The following SP3 variants were observed in gnomAD, a reference collection of about 807,000 sequenced individuals.
SP3 encodes the protein Sp3 transcription factor.
A neutral mutation model predicts 70.3 loss-of-function variants in SP3; 10 were observed. The observed-to-expected ratio is 0.14, with a 90% CI of 0.09 to 0.24. The LOEUF is 0.24. SP3 is among the 10% of genes least tolerant of loss of function. SP3 has a pLI of 1.00. For synonymous variants in SP3, 402 were observed against 333.5 expected (o/e 1.21, Z -2.24); for missense variants, 825 against 914.6 (o/e 0.90, Z 1.26).
chr2:173,960,791 A>T (rs1691045748), intron 3 of SP3, among the ~76,000 whole-genome samples: 2 of 151,748 alleles, frequency 1.3e-5, no homozygotes, highest in Admixed American at 1.3e-4. Context: ...TAACACGGTG[A>T]AACCCTGTCT....
chr2:173,964,862 C>T (rs1691241412), intron 1 of SP3: 2 of 493,368 alleles, frequency 4.1e-6, no homozygotes, highest in South Asian at 3.1e-5. Flanking sequence ...CGCGCTCGCT[C>T]CTCTCGCACC....
intron 4 of SP3, 134 bp downstream of exon 4, chr2:173,954,739 C>A: frequency 1.2e-6 from 1 of 829,682 alleles, no homozygotes; most frequent in Non-Finnish European, 1.9e-6. Flanking sequence ...TACTTTCATA[C>A]AAACATATTT....
At chr2:173,940,643 C>G (rs1166172025) in intron 4 of SP3, among the ~76,000 whole-genome samples, 2 of 152,172 alleles carry the variant, frequency 1.3e-5, no homozygotes, top group Non-Finnish European at 2.9e-5. Context: ...CATGTGTGCC[C>G]AGCAGCTAAA....
intron 4 of SP3, among the ~76,000 whole-genome samples, chr2:173,941,578 G>A (rs1025275788): frequency 6.6e-6 from 1 of 152,188 alleles, no homozygotes; most frequent in Non-Finnish European, 1.5e-5. Flanking sequence ...TCCAGCCTGG[G>A]TGATAGTTGA....
chr2:173,965,467 G>C (rs753601850), upstream of SP3: 1 of 367,882 alleles, frequency 2.7e-6, no homozygotes, highest in Non-Finnish European at 4.9e-6. Context: ...CTGTCCGTCG[G>C]TCTGCCAGGC....
In SP3 at chr2:173,956,206, T is replaced by A; in HGVS notation, c.306A>T (p.Leu102Phe). The change falls in exon 4 of 7, where the codon TTA (leucine) becomes TTT (phenylalanine). Residue 102 changes from leucine to phenylalanine, a missense_variant. Leu to Phe is a conservative substitution (Grantham distance 22). Around this residue, in one of 4 missense-constraint regions of SP3, gnomAD observed 678 missense variants for 651.6 expected, o/e 1.04. Coordinates refer to ENST00000310015, the MANE Select transcript of SP3 (RefSeq NM_003111.5). ...CCTCCCATCGGTTTGGTGCTCCTCC[T>A]AACTGTGCAGAAGCCAAATCACCTG... is the stretch of plus-strand genomic sequence containing the variant. ...GATGDLASAQLGGAPNRWEVL... is the reference protein window; with the variant it reads ...GATGDLASAQFGGAPNRWEVL... 1 of 1,609,446 alleles carries A rather than the reference T, an allele frequency of 6.2e-7. No homozygotes were observed. Among genetic ancestry groups the A allele is most frequent in the Non-Finnish European group, 8.5e-7 (1 of 1,176,730 alleles).
In SP3 at chr2:173,907,795, C is replaced by T. The variant is rs1420963796; in HGVS notation, c.*2146G>A. On this transcript the variant is annotated 3_prime_UTR_variant, in exon 7 of 7. Transcript: ENST00000310015. ...GATTTTAAGATTCAAAATCTAATCCCTGTAACTTCAAAATAATTGTAAATT... is the reference window on the plus strand; with the variant it reads ...GATTTTAAGATTCAAAATCTAATCCTTGTAACTTCAAAATAATTGTAAATT... 6.6e-6 allele frequency: 1 copy of T among 152,114 alleles called. No homozygotes were observed. The highest frequency in any genetic ancestry group is 1.5e-5 in the Non-Finnish European group (1 of 67,964). The allele number at this position is 152,114 out of a possible 1,614,324, so 9.4% of individuals were successfully genotyped here.
Position 173,903,565 on chromosome 2 carries a change from G to A in SP3, c.*6376C>T, listed in dbSNP as rs143156354. On this transcript the variant is annotated 3_prime_UTR_variant, in exon 7 of 7. Coordinates refer to ENST00000310015, the MANE Select transcript of SP3 (RefSeq NM_003111.5). ...TTAAGAATTTTTAAAGGATCAGGGT[G>A]TGAGGAGGACTAAGTAATTGGGTAT... is the stretch of plus-strand genomic sequence containing the variant. 2.0e-3 allele frequency among the ~76,000 whole-genome samples: 309 copies of A among 152,340 alleles called. No individual in the cohort carries two copies. The highest frequency in any genetic ancestry group is 6.8e-3 in the African/African-American group (283 of 41,576).
intron 2 of SP3, chr2:173,964,142 C>T (rs1470990768): frequency 8.1e-6 from 3 of 368,378 alleles, no homozygotes; most frequent in Non-Finnish European, 1.4e-5. Context: ...CCTCCGCCTT[C>T]CGCCCGGAAC....
intron 4 of SP3, among the ~76,000 whole-genome samples, chr2:173,935,921 A>G (rs950413467): frequency 2.7e-5 from 4 of 146,350 alleles, no homozygotes; most frequent in African/African-American, 1.1e-4. Context: ...TATTCCTGAT[A>G]GCTAATCACC....
Position 173,902,503 on chromosome 2 carries a change from T to C in SP3, c.*7438A>G, listed in dbSNP as rs910834201. Among the ~76,000 whole-genome samples the C allele has an allele frequency of 2.0e-5, 3 of 152,200 alleles. No individual in the cohort carries two copies. The highest frequency in any genetic ancestry group is 4.8e-5 in the African/African-American group (2 of 41,442). On this transcript the variant is annotated 3_prime_UTR_variant, in exon 7 of 7. Coordinates refer to ENST00000310015, the MANE Select transcript of SP3 (RefSeq NM_003111.5). ...ACATATCTCAAGAAATGCTCACATG[T>C]ACACAAGGAAATATGTCAATTATTT...
chr2:173,964,264 C>A, intron 2 of SP3, 141 bp downstream of exon 2: 2 of 508,378 alleles, frequency 3.9e-6, no homozygotes, highest in South Asian at 5.0e-5. Flanking sequence ...CTCGGGCGGG[C>A]AGCTCCCGGG....
At chr2:173,923,754 CA>C (rs759106791) in intron 4 of SP3, among the ~76,000 whole-genome samples, 2 of 149,684 alleles carry the variant, frequency 1.3e-5, no homozygotes, top group African/African-American at 5.0e-5. Context: ...GATTCTAAAT[CA>C]AATTTGATTT....
At chr2:173,917,635 C>T (rs1215425382) in intron 5 of SP3, among the ~76,000 whole-genome samples, 1 of 152,094 alleles carries the variant, frequency 6.6e-6, no homozygotes. Context: ...ATTTTATCTA[C>T]TTAAACAGTG....
At position 173,910,145 on chromosome 2, in the gene SP3, T is replaced by C. The variant is rs7561583; in HGVS notation, c.2142A>G (p.Thr714=). 6.0e-5 allele frequency: 97 copies of C among 1,613,790 alleles called. No individual in the cohort carries two copies. The highest frequency in any genetic ancestry group is 8.1e-5 in the Non-Finnish European group (96 of 1,179,844). The stretch of plus-strand genomic sequence containing the variant: ...GCGCAGCTTCCACAGATGCCAGCAC[T>C]GTACTGCTAGAGTGAATACCTTTTT... ...QNKKGIHSSS[T]VLASVEAARD... The change falls in exon 7 of 7, where the codon ACA becomes ACG. Residue 714 remains threonine (T), a synonymous_variant. Transcript: ENST00000310015.
intron 4 of SP3, among the ~76,000 whole-genome samples, chr2:173,945,468 G>A (rs1355710237): frequency 1.3e-5 from 2 of 152,094 alleles, no homozygotes; most frequent in Non-Finnish European, 2.9e-5. Context: ...TATTTGTAGT[G>A]TGGGACAAAA....
At position 173,965,235 on chromosome 2, in the gene SP3, G is replaced by GGCGGCGGCGGGAGAGGATGCGGGAA. The variant is rs1159165531; in HGVS notation, c.-89_-65dup. On this transcript the variant is annotated 5_prime_UTR_variant, in exon 1 of 7. Transcript: ENST00000310015. ...CTTACACATGGTGAGGAGCGAAGGC[G>GGCGGCGGCGGGAGAGGATGCGGGAA]GCGGCGGCGGGAGAGGATGCGGGAA... The GGCGGCGGCGGGAGAGGATGCGGGAA allele has an allele frequency of 6.5e-7, 1 of 1,536,452 alleles. No homozygotes were observed. Among genetic ancestry groups the GGCGGCGGCGGGAGAGGATGCGGGAA allele is most frequent in the Admixed American group, 2.0e-5 (1 of 49,828 alleles).
At chr2:173,948,584 A>G (rs1690616890) in intron 4 of SP3, among the ~76,000 whole-genome samples, 1 of 152,182 alleles carries the variant, frequency 6.6e-6, no homozygotes, top group African/African-American at 2.4e-5. Flanking sequence ...AATATTGTAA[A>G]AAGTGTATAT....
intron 4 of SP3, among the ~76,000 whole-genome samples, chr2:173,924,082 A>C (rs1001702085): frequency 6.6e-6 from 1 of 152,052 alleles, no homozygotes; most frequent in Non-Finnish European, 1.5e-5. Flanking sequence ...CTTACCAAAT[A>C]TAATAATAAT....
Sources: gnomAD v4.1 joint callset for allele counts (sites outside exome capture counted in the v4.1 genomes callset) on GRCh38, gnomAD v4.1.1 for gene constraint, gnomAD v4.1.1 regional missense constraint, MANE v1.5 for transcripts, NCBI Gene and HGNC (gene_info 2026-07-23, HGNC 2026-07-21) for gene names.